Variants in CARM1 observed in about 807,000 individuals in gnomAD.
CARM1 encodes the protein coactivator associated arginine methyltransferase 1.
A neutral mutation model predicts 72.7 loss-of-function variants in CARM1; 14 were observed. That is an observed-to-expected ratio of 0.19 (90% confidence interval 0.13 to 0.30). The LOEUF (loss-of-function observed/expected upper bound fraction) is 0.30. CARM1 is among the 10% of genes least tolerant of loss of function. CARM1 has a pLI of 1.00. For missense variants in CARM1, 432 were observed against 833.7 expected (o/e 0.52, Z 5.93); for synonymous variants, 333 against 345.5 (o/e 0.96, Z 0.40).
At chr19:10,902,754 G>A (rs150196371) in intron 1 of CARM1, among the ~76,000 whole-genome samples, 25 of 151,890 alleles carry the variant, frequency 1.6e-4, no homozygotes, top group Admixed American at 1.1e-3. Context: ...GACTACAGGC[G>A]CATGCCACTA....
chr19:10,872,882 C>T (rs1260349213), intron 1 of CARM1, among the ~76,000 whole-genome samples: 5 of 152,100 alleles, frequency 3.3e-5, no homozygotes, highest in Non-Finnish European at 5.9e-5. Context: ...CTCAGGAGGC[C>T]TCTAGCTAGC....
intron 1 of CARM1, among the ~76,000 whole-genome samples, chr19:10,875,882 T>C (rs1364332016): frequency 6.6e-6 from 1 of 151,658 alleles, no homozygotes; most frequent in African/African-American, 2.4e-5. Context: ...GTCTGTCTTT[T>C]TTTTTTTTTT....
At chr19:10,898,565 C>T (rs1320445514) in intron 1 of CARM1, among the ~76,000 whole-genome samples, 1 of 152,250 alleles carries the variant, frequency 6.6e-6, no homozygotes, top group Non-Finnish European at 1.5e-5. Flanking sequence ...CCGCGGCTCC[C>T]ATACTGCTCC....
chr19:10,908,091 G>A lies in CARM1; in HGVS notation c.399G>A (p.Glu133=). ...ILKTCRGHTL[E]RSVFSERTEE... ...AAACCTGCCGGGGCCACACCCTGGA[G>A]CGGTCTGTGTTCAGCGAGCGGACGG... The change falls in exon 3 of 16, where the codon GAG becomes GAA. Residue 133 remains glutamate (E), a synonymous_variant. Coordinates refer to ENST00000327064, the MANE Select transcript of CARM1 (RefSeq NM_199141.2). The A allele has an allele frequency of 6.2e-7, 1 of 1,614,126 alleles. No homozygotes were observed. The highest frequency in any genetic ancestry group is 1.1e-5 in the South Asian group (1 of 91,082).
chr19:10,887,361 T>C (rs2073949425), intron 1 of CARM1, among the ~76,000 whole-genome samples: 1 of 152,218 alleles, frequency 6.6e-6, no homozygotes, highest in Admixed American at 6.5e-5. Flanking sequence ...CTTTGTGGCA[T>C]CAGTAGTGTC....
chr19:10,915,599 C>A lies in CARM1; in HGVS notation c.848-808C>A, dbSNP rs558388137. On this transcript the variant is annotated intron_variant, in intron 6 of 15. Coordinates refer to ENST00000327064, the MANE Select transcript of CARM1 (RefSeq NM_199141.2). The surrounding 1 kb of genome is among the most constrained non-coding windows in gnomAD (Gnocchi z 4.6). ...CAGCATGTGCATCTCCCTCCCCGTTCCAGCAGCTGCAGCCCTGCAGCTCTC... is the reference window on the plus strand; with the variant it reads ...CAGCATGTGCATCTCCCTCCCCGTTACAGCAGCTGCAGCCCTGCAGCTCTC... Among the ~76,000 whole-genome samples, 1 of 152,270 alleles carries A rather than the reference C, an allele frequency of 6.6e-6. No individual in the cohort carries two copies. Among genetic ancestry groups the A allele is most frequent in the South Asian group, 2.1e-4 (1 of 4,828 alleles).
intron 1 of CARM1, among the ~76,000 whole-genome samples, chr19:10,879,647 C>G (rs1030632324): frequency 6.6e-6 from 1 of 152,114 alleles, no homozygotes; most frequent in Non-Finnish European, 1.5e-5. Flanking sequence ...AATTCTCGCC[C>G]TGTCACCCAG....
chr19:10,874,162 G>A (rs887015609), intron 1 of CARM1, among the ~76,000 whole-genome samples: 16 of 151,922 alleles, frequency 1.1e-4, no homozygotes, highest in African/African-American at 1.9e-4. Context: ...TCACTGTGTT[G>A]CCCAGGCTGG....
chr19:10,890,717 A>G (rs547109682), intron 1 of CARM1, among the ~76,000 whole-genome samples: 4 of 148,182 alleles, frequency 2.7e-5, no homozygotes, highest in South Asian at 4.2e-4. Flanking sequence ...ATATATACAC[A>G]TGAATATATA....
chr19:10,875,638 A>G (rs1356043507), intron 1 of CARM1, among the ~76,000 whole-genome samples: 8 of 151,848 alleles, frequency 5.3e-5, no homozygotes, highest in Non-Finnish European at 1.0e-4. Context: ...GTTAGCCAGG[A>G]TGGTCTCCAT....
chr19:10,883,823 G>GC (rs1176812016), intron 1 of CARM1, among the ~76,000 whole-genome samples: 1 of 151,836 alleles, frequency 6.6e-6, no homozygotes, highest in East Asian at 1.9e-4. Flanking sequence ...TTCAAGACCA[G>GC]CCTGGCCAAC....
At chr19:10,881,253 A>G (rs1202713855) in intron 1 of CARM1, among the ~76,000 whole-genome samples, 2 of 152,256 alleles carry the variant, frequency 1.3e-5, no homozygotes, top group Non-Finnish European at 1.5e-5. Flanking sequence ...CCTGGCCCGA[A>G]GTAAGTGCTC....
intron 1 of CARM1, among the ~76,000 whole-genome samples, chr19:10,898,045 C>G (rs1020904215): frequency 6.0e-5 from 9 of 150,786 alleles, no homozygotes; most frequent in African/African-American, 1.7e-4. Context: ...GGAGTGGAGC[C>G]TGCAGTGAGC....
intron 1 of CARM1, among the ~76,000 whole-genome samples, chr19:10,885,014 A>G (rs942736274): frequency 6.6e-6 from 1 of 151,472 alleles, no homozygotes; most frequent in Non-Finnish European, 1.5e-5. Flanking sequence ...CCGCTTATTT[A>G]TTTTAATTGT....
intron 1 of CARM1, among the ~76,000 whole-genome samples, chr19:10,903,413 G>A (rs2074080365): frequency 6.6e-6 from 1 of 152,174 alleles, no homozygotes; most frequent in Non-Finnish European, 1.5e-5. Context: ...TCAAAAGCAA[G>A]CTACTGACAT....
At chr19:10,891,063 A>G (rs550348907) in intron 1 of CARM1, among the ~76,000 whole-genome samples, 1 of 150,306 alleles carries the variant, frequency 6.7e-6, no homozygotes, top group Non-Finnish European at 1.5e-5. Flanking sequence ...CCTGGGGGAC[A>G]GGGCCAGACA....
chr19:10,918,219 G>A (rs564303608), intron 8 of CARM1, among the ~76,000 whole-genome samples: 7 of 151,862 alleles, frequency 4.6e-5, no homozygotes, highest in Non-Finnish European at 7.4e-5. Context: ...TGAACCACCC[G>A]TTAGCTTTTA....
At chr19:10,890,934 A>T (rs1233254230) in intron 1 of CARM1, among the ~76,000 whole-genome samples, 1 of 149,826 alleles carries the variant, frequency 6.7e-6, no homozygotes, top group East Asian at 2.0e-4. Flanking sequence ...TGGGCGGGCC[A>T]TTGCACTCCA....
At chr19:10,876,424 G>T (rs887732079) in intron 1 of CARM1, among the ~76,000 whole-genome samples, 3 of 152,226 alleles carry the variant, frequency 2.0e-5, no homozygotes, top group Admixed American at 6.5e-5. Context: ...CTCCAGGGCT[G>T]CCCCGCTGTC....
Sources: gnomAD v4.1 joint callset for allele counts (sites outside exome capture counted in the v4.1 genomes callset) on GRCh38, gnomAD v4.1.1 for gene constraint, Gnocchi (gnomAD v3.1) non-coding constraint, MANE v1.5 for transcripts, NCBI Gene and HGNC (gene_info 2026-07-23, HGNC 2026-07-21) for gene names.